SHANK2: variants seen among roughly 807,000 people sequenced by gnomAD.
SHANK2 encodes the protein SH3 and multiple ankyrin repeat domains protein 2.
A neutral mutation model predicts 133.7 loss-of-function variants in SHANK2; 43 were observed. That is an observed-to-expected ratio of 0.32 (90% CI 0.25 to 0.41). The LOEUF (loss-of-function observed/expected upper bound fraction) is 0.41. Among genes scored for constraint, SHANK2 ranks in the 10% least tolerant of loss-of-function variants. SHANK2 has a pLI of 1.00. For missense variants in SHANK2, 1,994 were observed against 2,235.8 expected (o/e 0.89, Z 2.18); for synonymous variants, 1,017 against 952.8 (o/e 1.07, Z -1.24).
intron 3 of SHANK2, among the ~76,000 whole-genome samples, chr11:71,132,893 A>C (rs782365628): frequency 6.6e-6 from 1 of 152,172 alleles, no homozygotes; most frequent in African/African-American, 2.4e-5. Context: ...CAGGTAGGCT[A>C]GTTTTCATTG....
intron 6 of SHANK2, among the ~76,000 whole-genome samples, chr11:71,098,130 T>C (rs1555095898): frequency 2.0e-5 from 3 of 150,810 alleles, no homozygotes; most frequent in African/African-American, 7.3e-5. Context: ...TATGTATGTG[T>C]ACATGCCTGT....
In SHANK2 at chr11:70,487,239, G is replaced by C. The variant is rs782383457; in HGVS notation, c.3054C>G (p.Asn1018Lys). Residue 1018 changes from asparagine (N) to lysine (K), a missense_variant, in exon 25 of 26, where the codon AAC becomes AAG. This residue lies in a region of SHANK2 where 488 missense variants were observed against 642.6 expected (regional missense o/e 0.76). Coordinates refer to ENST00000601538, the MANE Select transcript of SHANK2 (RefSeq NM_012309.5). This position sits in a 1 kb window ranked among gnomAD's most constrained non-coding sequence, Gnocchi z 5.8. ...ACGTCTTCTCGGGGCTGTCCTCCAC[G>C]TTGGACTGCTTCACCAGCATCCCCT... The part of the protein sequence containing the change: ...RRKGMLVKQS[N>K]VEDSPEKTCS... 3 of 1,614,070 alleles carry C rather than the reference G, an allele frequency of 1.9e-6. No individual in the cohort carries two copies. In the African/African-American group the frequency reaches 4.0e-5, roughly 22 times the overall value.
intron 3 of SHANK2, among the ~76,000 whole-genome samples, chr11:71,142,266 C>T (rs1237659417): frequency 2.0e-4 from 30 of 152,222 alleles, no homozygotes; most frequent in Middle Eastern, 3.4e-3. Context: ...TTTGGGAGGC[C>T]GAGACGGGCA....
At chr11:71,119,935 C>T (rs556999825) in intron 3 of SHANK2, among the ~76,000 whole-genome samples, 1 of 152,228 alleles carries the variant, frequency 6.6e-6, no homozygotes, top group African/African-American at 2.4e-5. Flanking sequence ...ACCACACTGA[C>T]GAGAAAGTTT....
chr11:70,776,179 C>T (rs190423464), intron 14 of SHANK2, among the ~76,000 whole-genome samples: 20 of 152,344 alleles, frequency 1.3e-4, no homozygotes, highest in African/African-American at 4.6e-4. Flanking sequence ...CCATTCCTTC[C>T]ACCTTTTCAG....
chr11:71,154,949 A>G (rs1379439577), intron 2 of SHANK2, among the ~76,000 whole-genome samples: 18 of 41,542 alleles, frequency 4.3e-4, no homozygotes, highest in Admixed American at 1.3e-3. Flanking sequence ...CAGAGGAGGG[A>G]TGGACCTACC....
intron 1 of SHANK2, among the ~76,000 whole-genome samples, chr11:71,237,802 G>A (rs1457364338): frequency 6.6e-6 from 1 of 152,066 alleles, no homozygotes; most frequent in Non-Finnish European, 1.5e-5. Context: ...CTCTCTCTTT[G>A]GTAAAAGACG....
intron 9 of SHANK2, among the ~76,000 whole-genome samples, chr11:71,069,682 C>A (rs1951117691): frequency 6.6e-6 from 1 of 152,184 alleles, no homozygotes; most frequent in Non-Finnish European, 1.5e-5. Flanking sequence ...CCTAGAGAGA[C>A]AATAGGTTGT....
At chr11:70,907,763 T>C (rs1950127888) in intron 10 of SHANK2, 7 of 315,792 alleles carry the variant, frequency 2.2e-5, no homozygotes, top group South Asian at 1.8e-4. Flanking sequence ...GGATAAATAT[T>C]TTATCAAGAC....
chr11:70,911,220 T>C, intron 10 of SHANK2: 1 of 456,036 alleles, frequency 2.2e-6, no homozygotes, highest in Non-Finnish European at 4.4e-6. Context: ...GTTGTTGTTG[T>C]TCTTTTTGTT....
At chr11:71,132,215 G>T (rs1287267063) in intron 3 of SHANK2, among the ~76,000 whole-genome samples, 1 of 152,210 alleles carries the variant, frequency 6.6e-6, no homozygotes, top group African/African-American at 2.4e-5. Flanking sequence ...TCGGAGCCAG[G>T]CTGGAGGAAT....
intron 2 of SHANK2, among the ~76,000 whole-genome samples, chr11:71,190,798 A>C (rs1555115281): frequency 6.6e-6 from 1 of 152,074 alleles, no homozygotes; most frequent in African/African-American, 2.4e-5. Flanking sequence ...GCCTGCACGA[A>C]CCCATCATTT....
intron 9 of SHANK2, among the ~76,000 whole-genome samples, chr11:71,070,775 G>C (rs1160282351): frequency 6.6e-6 from 1 of 152,230 alleles, no homozygotes; most frequent in Non-Finnish European, 1.5e-5. Context: ...TCGTTATGAC[G>C]GAGTCCATGC....
chr11:70,810,348 C>T (rs1010864398), intron 12 of SHANK2, among the ~76,000 whole-genome samples: 2 of 152,250 alleles, frequency 1.3e-5, no homozygotes, highest in African/African-American at 4.8e-5. Flanking sequence ...CAGGGCTGGA[C>T]TGGCACAGGA....
At chr11:71,118,788 G>C in intron 4 of SHANK2, 41 bp downstream of exon 4, 1 of 1,474,190 alleles carries the variant, frequency 6.8e-7, no homozygotes. Flanking sequence ...CATCCAGGCT[G>C]TGACACAACC....
chr11:70,934,021 CG>C (rs1350571644), intron 10 of SHANK2, among the ~76,000 whole-genome samples: 1 of 151,916 alleles, frequency 6.6e-6, no homozygotes, highest in Non-Finnish European at 1.5e-5. Flanking sequence ...AACTTGGCCC[CG>C]GGAGTTTGAG....
intron 17 of SHANK2, among the ~76,000 whole-genome samples, chr11:70,607,420 G>A (rs2060593417): frequency 6.6e-6 from 1 of 152,098 alleles, no homozygotes; most frequent in Non-Finnish European, 1.5e-5. Context: ...GCTTGGCCAG[G>A]TCTTCCCGGA....
Position 70,486,817 on chromosome 11 carries a change from C to A in SHANK2, c.3476G>T (p.Gly1159Val). The change falls in exon 25 of 26, where the codon GGT becomes GTT. Residue 1159 changes from glycine (G) to valine (V), a missense_variant. Coordinates refer to ENST00000601538, the MANE Select transcript of SHANK2 (RefSeq NM_012309.5). This position sits in a 1 kb window ranked among gnomAD's most constrained non-coding sequence, Gnocchi z 8.0. Reference sequence around the variant, plus strand: ...ACCCGGAGCACTGGCCTCGGCGCCACCCACGAAATGGTTTTCGGGCTCCCT... The same window carrying A: ...ACCCGGAGCACTGGCCTCGGCGCCAACCACGAAATGGTTTTCGGGCTCCCT... ...TPREPENHFV[G>V]GAEASAPGEA... 1 of 1,612,518 alleles carries A rather than the reference C, an allele frequency of 6.2e-7. No individual in the cohort carries two copies.
At chr11:71,085,593 A>AAT (rs878883448) in intron 8 of SHANK2, among the ~76,000 whole-genome samples, 58,755 of 81,068 alleles carry the variant, frequency 0.72, 21,624 homozygotes, top group Middle Eastern at 0.79. Flanking sequence ...TATATTATAT[A>AAT]ATATATATAT....
Sources: allele counts gnomAD v4.1 joint callset (sites outside exome capture counted in the v4.1 genomes callset), GRCh38; gene constraint gnomAD v4.1.1; regional missense constraint gnomAD v4.1.1; non-coding constraint Gnocchi (gnomAD v3.1); transcripts MANE v1.5; gene names NCBI Gene and HGNC (gene_info 2026-07-23, HGNC 2026-07-21).